Variants in LRIG2 observed in about 807,000 individuals in gnomAD.
The protein encoded by LRIG2 is leucine rich repeats and immunoglobulin like domains 2, also known as leucine-rich repeats and immunoglobulin-like domains protein 2.
LRIG2 carries 93 observed loss-of-function variants against 107.8 expected under a neutral mutation model. The ratio of observed to expected loss-of-function variants is 0.86; its 90% CI spans 0.73 to 1.03. LRIG2 has a LOEUF of 1.03. LRIG2 is among the 50% of genes least tolerant of loss of function. The pLI is 0.00. For synonymous variants in LRIG2, 471 were observed against 470.6 expected (o/e 1.00, Z -0.01); for missense variants, 1,226 against 1,296.0 (o/e 0.95, Z 0.83).
At chr1:113,115,077 TC>T (rs1263388862) in intron 15 of LRIG2, among the ~76,000 whole-genome samples, 1 of 152,078 alleles carries the variant, frequency 6.6e-6, no homozygotes, top group African/African-American at 2.4e-5. Context: ...GACCTCATCT[TC>T]CCCCTCAAAA....
intron 1 of LRIG2, among the ~76,000 whole-genome samples, chr1:113,081,229 A>G (rs1192548637): frequency 1.3e-5 from 2 of 152,158 alleles, no homozygotes; most frequent in Non-Finnish European, 2.9e-5. Context: ...AAACGTATCC[A>G]CAAGTAATCT....
At chr1:113,101,855 G>A (rs1654319654) in intron 11 of LRIG2, among the ~76,000 whole-genome samples, 1 of 152,202 alleles carries the variant, frequency 6.6e-6, no homozygotes, top group Non-Finnish European at 1.5e-5. Context: ...GTAGGATACT[G>A]TTCTGGATGA....
In LRIG2 at chr1:113,116,322, T is replaced by G; in HGVS notation, c.2566T>G (p.Leu856Val). The G allele has an allele frequency of 6.2e-7, 1 of 1,613,908 alleles. No homozygotes were observed. Among genetic ancestry groups the G allele is most frequent in the South Asian group, 1.1e-5 (1 of 91,002 alleles). ...LNLPADIPSY[L>V]SSQGTLSEPQ... ...TCTGCCTGCAGACATTCCCAGCTAC[T>G]TGTCTTCCCAAGGAACGCTGTCTGA... Residue 856 changes from leucine (L) to valine (V), a missense_variant, in exon 16 of 18, where the codon TTG (leucine) becomes GTG (valine). By Grantham distance (32) the Leu-to-Val change is conservative. This residue lies in a region of LRIG2 where 642 missense variants were observed against 712.2 expected (regional missense o/e 0.90). Transcript: ENST00000361127.
At chr1:113,119,576 CT>C (rs1345450842) in intron 17 of LRIG2, 53 bp downstream of exon 17, 3 of 1,541,608 alleles carry the variant, frequency 1.9e-6, no homozygotes, top group Non-Finnish European at 2.7e-6. Context: ...CTAATTGACT[CT>C]TCCTTCTATC....
chr1:113,117,098 T>C (rs886504839), intron 16 of LRIG2, among the ~76,000 whole-genome samples: 28 of 152,290 alleles, frequency 1.8e-4, no homozygotes, highest in Admixed American at 1.7e-3. Context: ...CACGTAGAGA[T>C]GCGTACCCAT....
At chr1:113,118,176 C>T (rs1337845194) in intron 16 of LRIG2, among the ~76,000 whole-genome samples, 1 of 152,172 alleles carries the variant, frequency 6.6e-6, no homozygotes, top group Non-Finnish European at 1.5e-5. Context: ...GCCTCGGCCT[C>T]CCCAAGTGCT....
intron 13 of LRIG2, among the ~76,000 whole-genome samples, chr1:113,111,011 T>TGC (rs1654753466): frequency 6.6e-6 from 1 of 151,680 alleles, no homozygotes; most frequent in Admixed American, 6.6e-5. Flanking sequence ...TGTGTGTGTG[T>TGC]ATTTTTATTT....
chr1:113,122,627 G>T (rs952456716), intron 17 of LRIG2, among the ~76,000 whole-genome samples: 1 of 152,150 alleles, frequency 6.6e-6, no homozygotes, highest in Admixed American at 6.6e-5. Flanking sequence ...AATCTGGTCC[G>T]TAAGTAAGGA....
chr1:113,121,293 G>A (rs1655243584), intron 17 of LRIG2, among the ~76,000 whole-genome samples: 1 of 152,180 alleles, frequency 6.6e-6, no homozygotes, highest in African/African-American at 2.4e-5. Context: ...ACATTATATT[G>A]TATAGATTAG....
chr1:113,084,598 A>G (rs914508107), intron 1 of LRIG2, among the ~76,000 whole-genome samples: 1 of 144,016 alleles, frequency 6.9e-6, no homozygotes, highest in Admixed American at 7.4e-5. Flanking sequence ...GTTTCATTAT[A>G]TTAAAAATGT....
intron 16 of LRIG2, among the ~76,000 whole-genome samples, chr1:113,116,907 C>T (rs780913275): frequency 1.3e-5 from 2 of 152,078 alleles, no homozygotes; most frequent in Admixed American, 6.6e-5. Flanking sequence ...GCCAGGAGTT[C>T]GAGGCTGTAT....
At position 113,129,371 on chromosome 1, in the gene LRIG2, C is replaced by T. The variant is rs1655616793; in HGVS notation, c.*5270C>T. 6.7e-6 allele frequency: 1 copy of T among 149,946 alleles called. No individual in the cohort carries two copies. Among genetic ancestry groups the T allele is most frequent in the Non-Finnish European group, 1.5e-5 (1 of 67,724 alleles). 9.3% of individuals were successfully genotyped at this position (149,946 alleles called of 1,614,324 possible). A position where few individuals can be genotyped will look rare whatever the true frequency, so the allele number is the denominator to read the frequency against. On this transcript the variant is annotated 3_prime_UTR_variant, in exon 18 of 18. Transcript: ENST00000361127. ...CCTCTCTGCTCTAGCAGTGGTCCTT[C>T]TACTGACAGTGCTGTCAGAGTCTGG...
chr1:113,122,208 G>C (rs1305396862), intron 17 of LRIG2, among the ~76,000 whole-genome samples: 27 of 150,140 alleles, frequency 1.8e-4, no homozygotes, highest in Non-Finnish European at 4.0e-4. Context: ...TCAGCCTCCT[G>C]AGTAGCTGGG....
chr1:113,105,015 A>T (rs1335782297), intron 11 of LRIG2, among the ~76,000 whole-genome samples: 7 of 151,978 alleles, frequency 4.6e-5, no homozygotes, highest in Non-Finnish European at 7.4e-5. Flanking sequence ...GCGTGGTGGC[A>T]TGTGCCTGTA....
Position 113,098,580 on chromosome 1 carries a change from AATAACT to A in LRIG2, c.1092-124_1092-119del. The A allele has an allele frequency of 4.7e-6, 3 of 638,708 alleles. No homozygotes were observed. The South Asian group carries it at 6.0e-5, about 13-fold the overall frequency. 39.6% of individuals were successfully genotyped at this position (638,708 alleles called of 1,614,324 possible). On this transcript the variant is annotated intron_variant, in intron 8 of 17. Transcript: ENST00000361127. ...GAAGCAGAGTTGAGCCTTCATCATA[AATAACT>A]GTTAAAGTAAGGATCAGAATTAGCA...
intron 1 of LRIG2, among the ~76,000 whole-genome samples, chr1:113,075,158 G>A (rs1323091303): frequency 6.6e-6 from 1 of 151,998 alleles, no homozygotes; most frequent in African/African-American, 2.4e-5. Flanking sequence ...GTTGGAGTGA[G>A]CCGAGATCGT....
chr1:113,116,217 T>A, intron 15 of LRIG2, 70 bp from the exon 16 acceptor site: 1 of 1,406,818 alleles, frequency 7.1e-7, no homozygotes, highest in Non-Finnish European at 9.8e-7. Context: ...TGGAACACAT[T>A]TGCAAAATAG....
At chr1:113,081,290 G>A (rs1653271431) in intron 1 of LRIG2, among the ~76,000 whole-genome samples, 1 of 152,134 alleles carries the variant, frequency 6.6e-6, no homozygotes, top group Non-Finnish European at 1.5e-5. Flanking sequence ...GCATCCATTA[G>A]ATAGTTACTA....
chr1:113,087,791 T>A (rs1333913799), intron 1 of LRIG2, among the ~76,000 whole-genome samples: 1 of 152,210 alleles, frequency 6.6e-6, no homozygotes, highest in Non-Finnish European at 1.5e-5. Flanking sequence ...AGAGTGAAAT[T>A]AGGCGTAAAA....
Sources: allele counts gnomAD v4.1 joint callset (sites outside exome capture counted in the v4.1 genomes callset), GRCh38; gene constraint gnomAD v4.1.1; regional missense constraint gnomAD v4.1.1; transcripts MANE v1.5; gene names NCBI Gene and HGNC (gene_info 2026-07-23, HGNC 2026-07-21).